The following OPCML variants were observed in gnomAD, a reference collection of about 807,000 sequenced individuals.
OPCML encodes the protein opioid-binding protein/cell adhesion molecule.
OPCML carries 13 observed loss-of-function variants against 37.8 expected under a neutral mutation model. That is an observed-to-expected ratio of 0.34 (90% CI 0.22 to 0.55). The LOEUF (loss-of-function observed/expected upper bound fraction) is 0.55. Among genes scored for constraint, OPCML ranks in the 20% least tolerant of loss-of-function variants. OPCML has a pLI of 0.91. For missense variants in OPCML, 341 were observed against 435.6 expected, an observed-to-expected ratio of 0.78 and a Z score of 1.93; for synonymous variants, 176 against 168.8, an observed-to-expected ratio of 1.04 and a Z score of -0.33.
At chr11:132,569,950 T>C (rs2096433415) in intron 3 of OPCML, among the ~76,000 whole-genome samples, 1 of 146,146 alleles carries the variant, frequency 6.8e-6, no homozygotes, top group Non-Finnish European at 1.5e-5. Context: ...ATGCATTCAG[T>C]GAAAAAAAAA....
intron 1 of OPCML, among the ~76,000 whole-genome samples, chr11:133,107,629 T>G: frequency 6.6e-6 from 1 of 152,212 alleles, no homozygotes; most frequent in East Asian, 1.9e-4. Flanking sequence ...CTCTTCATAG[T>G]CACAGACGCT....
In OPCML at chr11:132,469,091, G is replaced by T. The variant is rs74997089; in HGVS notation, c.506-31732C>A. Among the ~76,000 whole-genome samples, 3 of 152,304 alleles carry T rather than the reference G, an allele frequency of 2.0e-5. No homozygotes were observed. The South Asian group carries it at 6.2e-4, about 32-fold the overall frequency. ...TCTGAATTTTATTCATTAGACAAAT[G>T]TGTTGAACACCTTCTCTGTTCTGAG... On this transcript the variant is annotated intron_variant, in intron 4 of 7. Coordinates refer to ENST00000524381, the MANE Select transcript of OPCML (RefSeq NM_001012393.5).
chr11:133,379,448 G>A (rs1359864569), intron 1 of OPCML, among the ~76,000 whole-genome samples: 1 of 152,188 alleles, frequency 6.6e-6, no homozygotes, highest in Non-Finnish European at 1.5e-5. Context: ...GAAATTTTGT[G>A]ATTCTATATT....
intron 3 of OPCML, among the ~76,000 whole-genome samples, chr11:132,605,571 AT>A (rs1274688625): frequency 6.6e-6 from 1 of 152,100 alleles, no homozygotes; most frequent in African/African-American, 2.4e-5. Context: ...TGTCAAAAAA[AT>A]AAATAAATAA....
At chr11:133,251,648 A>G (rs1411120545) in intron 1 of OPCML, among the ~76,000 whole-genome samples, 1 of 152,100 alleles carries the variant, frequency 6.6e-6, no homozygotes, top group Non-Finnish European at 1.5e-5. Flanking sequence ...AAGAGGAAAC[A>G]TGATTGCTGA....
intron 1 of OPCML, among the ~76,000 whole-genome samples, chr11:133,024,088 T>C (rs1226322563): frequency 3.3e-5 from 5 of 152,188 alleles, no homozygotes; most frequent in African/African-American, 1.2e-4. Context: ...TCCCATGTGA[T>C]CATTATGGTC....
intron 3 of OPCML, among the ~76,000 whole-genome samples, chr11:132,656,712 C>A (rs893535238): frequency 6.6e-6 from 1 of 152,168 alleles, no homozygotes; most frequent in African/African-American, 2.4e-5. Flanking sequence ...CATTATTCGT[C>A]TTTTATCATG....
chr11:132,530,443 T>C (rs1039512234), intron 3 of OPCML, among the ~76,000 whole-genome samples: 10 of 152,036 alleles, frequency 6.6e-5, no homozygotes, highest in African/African-American at 2.4e-4. Context: ...CCACCTGGTC[T>C]CTTTCCATTT....
chr11:132,888,619 T>C (rs1172164878), intron 2 of OPCML, among the ~76,000 whole-genome samples: 1 of 152,156 alleles, frequency 6.6e-6, no homozygotes, highest in Non-Finnish European at 1.5e-5. Context: ...ATGAAAGTTG[T>C]CTGTATTGTT....
chr11:133,204,850 T>TTATATATATATATATGTGTATATATA (rs1309229128), intron 1 of OPCML, among the ~76,000 whole-genome samples: 14 of 123,608 alleles, frequency 1.1e-4, no homozygotes, highest in South Asian at 2.9e-4. Flanking sequence ...TTGTGATCTA[T>TTATATATATATATATGTGTATATATA]TATATATATA....
At chr11:132,674,617 G>A (rs147707653) in intron 2 of OPCML, among the ~76,000 whole-genome samples, 1 of 152,160 alleles carries the variant, frequency 6.6e-6, no homozygotes, top group Admixed American at 6.5e-5. Context: ...TGACTTTGAG[G>A]GTGGTGATAA....
intron 3 of OPCML, among the ~76,000 whole-genome samples, chr11:132,537,274 A>G (rs1487999652): frequency 1.3e-5 from 2 of 152,228 alleles, no homozygotes; most frequent in Admixed American, 1.3e-4. Context: ...GAATCCAAAA[A>G]TATATCCACA....
intron 1 of OPCML, among the ~76,000 whole-genome samples, chr11:133,318,975 C>A (rs777376456): frequency 6.6e-6 from 1 of 151,494 alleles, no homozygotes; most frequent in African/African-American, 2.4e-5. Flanking sequence ...TGCAGTGAGC[C>A]GAGATCACAC....
intron 1 of OPCML, among the ~76,000 whole-genome samples, chr11:133,519,886 A>G (rs1260795840): frequency 1.3e-5 from 2 of 152,216 alleles, no homozygotes; most frequent in African/African-American, 4.8e-5. Flanking sequence ...ATTTGACCAC[A>G]TCAACATAGC....
chr11:133,196,235 T>G lies in OPCML; in HGVS notation c.62-253225A>C, dbSNP rs191295528. On this transcript the variant is annotated intron_variant, in intron 1 of 7. Transcript: ENST00000524381. ...GAATTTCCTGGACTCCCTAAATCGATTCTGCCCCTGAGCCTTGCTAGGTGT... is the reference window on the plus strand; with the variant it reads ...GAATTTCCTGGACTCCCTAAATCGAGTCTGCCCCTGAGCCTTGCTAGGTGT... Among the ~76,000 whole-genome samples, 6 of 152,320 alleles carry G rather than the reference T, an allele frequency of 3.9e-5. No individual in the cohort carries two copies. The East Asian group carries it at 1.2e-3, about 29-fold the overall frequency.
intron 2 of OPCML, among the ~76,000 whole-genome samples, chr11:132,908,685 T>C (rs1944323949): frequency 6.6e-6 from 1 of 152,232 alleles, no homozygotes; most frequent in Non-Finnish European, 1.5e-5. Flanking sequence ...TCTTATTTAT[T>C]GTAAACACAA....
At chr11:132,847,883 T>G (rs184001612) in intron 2 of OPCML, among the ~76,000 whole-genome samples, 53 of 152,300 alleles carry the variant, frequency 3.5e-4, no homozygotes, top group Non-Finnish European at 5.9e-5. Flanking sequence ...ACCAGATGCT[T>G]CAAGTTCCAG....
At chr11:132,800,015 C>A (rs1938554398) in intron 2 of OPCML, among the ~76,000 whole-genome samples, 2 of 152,142 alleles carry the variant, frequency 1.3e-5, no homozygotes, top group Non-Finnish European at 2.9e-5. Context: ...AATTTGGTAA[C>A]TATTGCCTTT....
chr11:133,200,233 C>T (rs1465911194), intron 1 of OPCML, among the ~76,000 whole-genome samples: 2 of 152,168 alleles, frequency 1.3e-5, no homozygotes, highest in African/African-American at 4.8e-5. Context: ...GAGTGTCACA[C>T]CGTCCTGTGC....
Sources: allele counts gnomAD v4.1 joint callset (sites outside exome capture counted in the v4.1 genomes callset), GRCh38; gene constraint gnomAD v4.1.1; transcripts MANE v1.5; gene names NCBI Gene and HGNC (gene_info 2026-07-23, HGNC 2026-07-21).